The following CSNK2A1 variants were observed in gnomAD, a reference collection of about 807,000 sequenced individuals.
CSNK2A1 encodes the protein casein kinase II subunit alpha.
CSNK2A1 carries 10 observed loss-of-function variants against 62.9 expected under a neutral mutation model. The observed-to-expected ratio is 0.16, with a 90% CI of 0.10 to 0.27. The LOEUF is 0.27. Ranked by LOEUF, CSNK2A1 falls within the 10% of genes least tolerant of loss-of-function variation. CSNK2A1 has a pLI of 1.00. For synonymous variants in CSNK2A1, 124 were observed against 167.8 expected (o/e 0.74, Z 2.02); for missense variants, 160 against 492.0 (o/e 0.33, Z 6.38).
chr20:487,746 C>T, intron 11 of CSNK2A1, 171 bp from the exon 12 acceptor site: 3 of 772,720 alleles, frequency 3.9e-6, no homozygotes, highest in South Asian at 3.7e-5. Flanking sequence ...ACAAAGCTAA[C>T]TGGAGACTGG....
At position 499,814 on chromosome 20, in the gene CSNK2A1, T is replaced by G; in HGVS notation, c.315+19A>C. ...CCATCTCAGCTCTGGCGGGCCTTGC[T>G]AACACCTACTATACTCACCACAGGG... On this transcript the variant is annotated intron_variant, in intron 5 of 13. Transcript: ENST00000217244. The surrounding 1 kb of genome is among the most constrained non-coding windows in gnomAD (Gnocchi z 4.2). The G allele has an allele frequency of 6.2e-7, 1 of 1,612,324 alleles. No individual in the cohort carries two copies. The highest frequency in any genetic ancestry group is 8.5e-7 in the Non-Finnish European group (1 of 1,179,352).
chr20:536,526 G>A (rs1180186503), intron 1 of CSNK2A1, among the ~76,000 whole-genome samples: 3 of 152,118 alleles, frequency 2.0e-5, no homozygotes, highest in Non-Finnish European at 4.4e-5. Context: ...GTTGTTATCC[G>A]AACTGTAGAG....
At chr20:503,697 T>C (rs1300490658) in intron 4 of CSNK2A1, 1 of 398,496 alleles carries the variant, frequency 2.5e-6, no homozygotes, top group Non-Finnish European at 4.4e-6. Flanking sequence ...AAGCAAGTAC[T>C]GCACAAAAAT....
At chr20:534,335 TTGG>T (rs1266275225) in intron 1 of CSNK2A1, among the ~76,000 whole-genome samples, 1 of 152,200 alleles carries the variant, frequency 6.6e-6, no homozygotes, top group Admixed American at 6.5e-5. Context: ...TGCTTTAAAT[TTGG>T]AGGCAAGGTA....
chr20:487,649 T>A, intron 11 of CSNK2A1, 74 bp from the exon 12 acceptor site: 1 of 1,601,006 alleles, frequency 6.2e-7, no homozygotes. Flanking sequence ...CCTACATTTT[T>A]CTTAGTGGCT....
At chr20:502,594 ACCAC>A (rs2018494214) in intron 4 of CSNK2A1, 1 of 152,198 alleles carries the variant, frequency 6.6e-6, no homozygotes, top group South Asian at 2.1e-4. Flanking sequence ...CTATACTTAC[ACCAC>A]CTACCCACAG....
intron 2 of CSNK2A1, among the ~76,000 whole-genome samples, chr20:511,586 G>C (rs1450167753): frequency 6.6e-6 from 1 of 152,068 alleles, no homozygotes; most frequent in Non-Finnish European, 1.5e-5. Flanking sequence ...GACAATATTT[G>C]TCCTTTGTTT....
At position 477,911 on chromosome 20, in the gene CSNK2A1, CA is replaced by C. The variant is rs1450650620; in HGVS notation, c.*6049del. 6.6e-6 allele frequency: 1 copy of C among 152,100 alleles called. No homozygotes were observed. The highest frequency in any genetic ancestry group is 1.5e-5 in the Non-Finnish European group (1 of 68,014). 9.4% of individuals were successfully genotyped at this position (152,100 alleles called of 1,614,324 possible). ...AACAAAACAAACAAACAAAACAAAA[CA>C]AAACAAAAAAACCCCAGTTACATTC... On this transcript the variant is annotated 3_prime_UTR_variant, in exon 14 of 14. Transcript: ENST00000217244.
intron 1 of CSNK2A1, among the ~76,000 whole-genome samples, chr20:534,730 A>G (rs1473814823): frequency 6.6e-6 from 1 of 152,076 alleles, no homozygotes; most frequent in Non-Finnish European, 1.5e-5. Context: ...TGTGGTGTTT[A>G]AAAATTCTTC....
intron 1 of CSNK2A1, 150 bp downstream of exon 1, chr20:543,522 C>A (rs1048873639): frequency 1.3e-5 from 5 of 394,528 alleles, no homozygotes; most frequent in Non-Finnish European, 1.8e-5. Context: ...CTGCAGGGGC[C>A]TCGCTTGGTT....
chr20:500,720 C>T (rs548783851), intron 4 of CSNK2A1: 1 of 148,872 alleles, frequency 6.7e-6, no homozygotes, highest in Non-Finnish European at 1.5e-5. Context: ...CTCACTGCAA[C>T]CTCCGCCTCC....
At chr20:527,683 A>T (rs1432028022) in intron 2 of CSNK2A1, among the ~76,000 whole-genome samples, 1 of 152,000 alleles carries the variant, frequency 6.6e-6, no homozygotes, top group Non-Finnish European at 1.5e-5. Context: ...TCAGATTATG[A>T]ATTCAAGTAC....
intron 4 of CSNK2A1, chr20:500,273 T>C (rs576491103): frequency 5.5e-4 from 129 of 234,358 alleles, no homozygotes; most frequent in African/African-American, 2.8e-3. Context: ...ATTTAAATCG[T>C]TAGTAATACT....
chr20:526,842 CAGG>C (rs1339635068), intron 2 of CSNK2A1: 5 of 151,694 alleles, frequency 3.3e-5, no homozygotes, highest in Non-Finnish European at 5.9e-5. Context: ...GTAGTCCCAG[CAGG>C]AGGATAAGGC....
intron 4 of CSNK2A1, chr20:502,812 GT>G (rs1311466021): frequency 6.6e-6 from 1 of 152,090 alleles, no homozygotes; most frequent in Non-Finnish European, 1.5e-5. Flanking sequence ...CCTATGTATG[GT>G]CACATAACAT....
intron 1 of CSNK2A1, among the ~76,000 whole-genome samples, chr20:535,034 C>CAAAAAAAAAAAAA (rs11469217): frequency 2.0e-5 from 1 of 50,756 alleles, no homozygotes; most frequent in African/African-American, 8.5e-5. Context: ...TGCTATCTCC[C>CAAAAAAAAAAAAA]AAAAAAAAAA....
intron 2 of CSNK2A1, among the ~76,000 whole-genome samples, chr20:521,911 A>G (rs1177034206): frequency 1.3e-5 from 2 of 152,188 alleles, no homozygotes; most frequent in African/African-American, 4.8e-5. Context: ...CTTAAAAGTG[A>G]AGAAGCCAGA....
rs1169652821 is a variant in CSNK2A1, at chr20:481,540, T to G, written c.*2421A>C. The G allele has an allele frequency of 2.3e-5, 3 of 132,400 alleles. No homozygotes were observed. The highest frequency in any genetic ancestry group is 4.6e-5 in the Non-Finnish European group (3 of 64,928). The allele number at this position is 132,400 out of a possible 1,614,324, so 8.2% of individuals were successfully genotyped here. On this transcript the variant is annotated 3_prime_UTR_variant, in exon 14 of 14. Coordinates refer to ENST00000217244, the MANE Select transcript of CSNK2A1 (RefSeq NM_177559.3). ...TTTTTTTTCTCTCTCTCCATGCTTCTGCAGTGACTCTTAAGTAGCATTTTT... is the reference window on the plus strand; with the variant it reads ...TTTTTTTTCTCTCTCTCCATGCTTCGGCAGTGACTCTTAAGTAGCATTTTT...
rs6052705 is a variant in CSNK2A1, at chr20:535,129, G to C, written c.-226-7080C>G. Among the ~76,000 whole-genome samples the C allele has an allele frequency of 6.9e-4, 103 of 150,166 alleles. 2 individuals carry two copies. Among genetic ancestry groups the C allele is most frequent in the African/African-American group, 2.4e-3 (99 of 40,844 alleles). On this transcript the variant is annotated intron_variant, in intron 1 of 13. Transcript: ENST00000217244. Reference sequence around the variant, plus strand: ...TCAGCACTTTGGGAGGCTGAGTTAAGAGGACTGCTTGAGCCCAGGAGTTTG... The same window carrying C: ...TCAGCACTTTGGGAGGCTGAGTTAACAGGACTGCTTGAGCCCAGGAGTTTG...
Sources: gnomAD v4.1 joint callset for allele counts (sites outside exome capture counted in the v4.1 genomes callset) on GRCh38, gnomAD v4.1.1 for gene constraint, Gnocchi (gnomAD v3.1) non-coding constraint, MANE v1.5 for transcripts, NCBI Gene and HGNC (gene_info 2026-07-23, HGNC 2026-07-21) for gene names.